Variants in SLC38A8 observed in about 807,000 individuals in gnomAD.
SLC38A8 encodes amino acid transporter SLC38A8.
Under a neutral mutation model 46.0 loss-of-function variants are expected in SLC38A8, and 65 were observed. The observed-to-expected ratio is 1.41, with a 90% CI of 1.16 to 1.74. SLC38A8 has a LOEUF of 1.74. SLC38A8 is among the 40% of genes most tolerant of loss of function. The probability of loss-of-function intolerance (pLI) is 0.00; values close to 1 mark genes in which losing one functional copy is unlikely to be tolerated. For missense variants in SLC38A8, 998 were observed against 567.9 expected, an observed-to-expected ratio of 1.76 and a Z score of -7.70; for synonymous variants, 447 against 243.7, an observed-to-expected ratio of 1.83 and a Z score of -7.77.
chr16:84,013,162 A>C, intron 9 of SLC38A8, 110 bp from the exon 10 acceptor site: 1 of 1,258,774 alleles, frequency 7.9e-7, no homozygotes, highest in Non-Finnish European at 1.1e-6. Context: ...GCCTCCGCCC[A>C]TGGGTGCCCC....
chr16:84,024,695 C>A (rs565092285), intron 6 of SLC38A8, among the ~76,000 whole-genome samples: 2 of 152,076 alleles, frequency 1.3e-5, no homozygotes, highest in Admixed American at 6.5e-5. Flanking sequence ...GCAGGAGAGT[C>A]GCTCAAGCCT....
intron 6 of SLC38A8, 134 bp from the exon 7 acceptor site, chr16:84,023,023 T>C: frequency 1.6e-6 from 1 of 620,326 alleles, no homozygotes; most frequent in Non-Finnish European, 2.7e-6. Flanking sequence ...ATCAATCCTT[T>C]ATTCTTTAAT....
At position 84,032,115 on chromosome 16, in the gene SLC38A8, G is replaced by A. The variant is rs907044; in HGVS notation, c.531-147C>T. 197,863 of 659,792 alleles carry A rather than the reference G, an allele frequency of 0.3. 32,653 individuals are homozygous for A. The highest frequency in any genetic ancestry group is 0.54 in the East Asian group (19,852 of 36,432). The allele number at this position is 659,792 out of a possible 1,614,324, so 40.9% of individuals were successfully genotyped here. A position where few individuals can be genotyped will look rare whatever the true frequency, so the allele number is the denominator to read the frequency against. ...CACCTCTGCCTCACCATCCTCATCT[G>A]TACAGGGGGCATGTGGGGCAGGGCT... On this transcript the variant is annotated intron_variant, in intron 4 of 10. Coordinates refer to ENST00000299709, the MANE Select transcript of SLC38A8 (RefSeq NM_001080442.3).
chr16:84,039,076 A>C (rs1358410690), intron 2 of SLC38A8, among the ~76,000 whole-genome samples: 1 of 152,148 alleles, frequency 6.6e-6, no homozygotes, highest in East Asian at 1.9e-4. Context: ...CCATTGAGGT[A>C]TGTCCTTGTA....
chr16:84,020,022 T>C (rs993556681), intron 7 of SLC38A8, among the ~76,000 whole-genome samples: 2 of 152,254 alleles, frequency 1.3e-5, no homozygotes, highest in African/African-American at 4.8e-5. Flanking sequence ...GTGTTGCACG[T>C]TGCTGGTAAC....
chr16:84,022,640 A>C (rs1216832230), intron 7 of SLC38A8, 135 bp downstream of exon 7: 7 of 673,142 alleles, frequency 1.0e-5, no homozygotes, highest in Middle Eastern at 2.6e-4. Context: ...ATGCACACTA[A>C]GGATTAAATA....
rs185988113 is a variant in SLC38A8 at position 84,020,561 on chromosome 16, C to A, written c.805+2214G>T. On this transcript the variant is annotated intron_variant, in intron 7 of 10. Transcript: ENST00000299709. ...ATCCTGCCAAGGTTTACCACTTATA[C>A]CTTCTGGGGCTGCAGCACGAGCCAG... Among the ~76,000 whole-genome samples the A allele has an allele frequency of 3.9e-3, 595 of 152,332 alleles. 4 individuals carry two copies. The highest frequency in any genetic ancestry group is 0.013 in the African/African-American group (549 of 41,588).
chr16:84,014,507 A>G (rs1597249474), intron 9 of SLC38A8, among the ~76,000 whole-genome samples: 1 of 149,828 alleles, frequency 6.7e-6, no homozygotes, highest in South Asian at 2.1e-4. Context: ...TGAAAGCGCC[A>G]CCCTAAGCCC....
chr16:84,016,372 C>T (rs997798765), intron 9 of SLC38A8, 147 bp downstream of exon 9: 6 of 827,628 alleles, frequency 7.2e-6, no homozygotes, highest in Non-Finnish European at 1.1e-5. Flanking sequence ...GTGCCTGGCT[C>T]AATAAAAAGG....
chr16:84,033,240 C>G, intron 4 of SLC38A8, 88 bp downstream of exon 4: 1 of 1,569,614 alleles, frequency 6.4e-7, no homozygotes, highest in South Asian at 1.2e-5. Flanking sequence ...GCCAATTCCC[C>G]AGCTCCTCTG....
chr16:84,014,227 T>C (rs79666840), intron 9 of SLC38A8, among the ~76,000 whole-genome samples: 2,178 of 148,728 alleles, frequency 0.015, 56 homozygotes, highest in African/African-American at 0.052. Context: ...CCCTCACCTC[T>C]GAAAGCTCCA....
In SLC38A8 at chr16:84,010,459, G is replaced by A. The variant is rs936036460; in HGVS notation, c.1215-582C>T. Among the ~76,000 whole-genome samples, 10 of 152,164 alleles carry A rather than the reference G, an allele frequency of 6.6e-5. No individual in the cohort carries two copies. The South Asian group carries it at 1.5e-3, about 22-fold the overall frequency. ...ATTTTATCAAATAAAAAGACATGGG[G>A]GCCAGGCATGGTGGCACAAGCCTAT... On this transcript the variant is annotated intron_variant, in intron 10 of 10. Coordinates refer to ENST00000299709, the MANE Select transcript of SLC38A8 (RefSeq NM_001080442.3).
At chr16:84,041,723 C>T (rs2085369117) in intron 2 of SLC38A8, among the ~76,000 whole-genome samples, 1 of 152,198 alleles carries the variant, frequency 6.6e-6, no homozygotes, top group Non-Finnish European at 1.5e-5. Context: ...GACAGAGCTG[C>T]GATGCCTGTA....
chr16:84,023,899 A>T (rs1241064219), intron 6 of SLC38A8, among the ~76,000 whole-genome samples: 6 of 152,210 alleles, frequency 3.9e-5, no homozygotes, highest in African/African-American at 1.2e-4. Context: ...GTCTCAAAAG[A>T]AAAACAAGCC....
At chr16:84,013,424 G>GTTTTTTT (rs1221293803) in intron 9 of SLC38A8, among the ~76,000 whole-genome samples, 68 of 64,048 alleles carry the variant, frequency 1.1e-3, no homozygotes, top group African/African-American at 1.9e-3. Context: ...TTGTGTGTGT[G>GTTTTTTT]TTTTTTTTTT....
intron 9 of SLC38A8, among the ~76,000 whole-genome samples, chr16:84,013,348 G>A (rs1390499991): frequency 6.6e-6 from 1 of 151,866 alleles, no homozygotes. Flanking sequence ...ATGAGGAGAT[G>A]GTGAGAGTCC....
intron 7 of SLC38A8, among the ~76,000 whole-genome samples, chr16:84,021,313 C>A (rs1259732034): frequency 2.6e-5 from 4 of 152,308 alleles, no homozygotes; most frequent in East Asian, 1.9e-4. Flanking sequence ...GATCCACCTG[C>A]CTCGGCCTCC....
intron 2 of SLC38A8, chr16:84,040,101 G>C (rs1490290318): frequency 6.6e-6 from 1 of 152,236 alleles, no homozygotes; most frequent in Non-Finnish European, 1.5e-5. Flanking sequence ...TCTGCCCACT[G>C]ACTTCACATT....
rs1403782662 is a variant in SLC38A8, at chr16:84,022,836, G to C, written c.744C>G (p.Ser248=). 1 of 1,612,770 alleles carries C rather than the reference G, an allele frequency of 6.2e-7. No individual in the cohort carries two copies. Among genetic ancestry groups the C allele is most frequent in the Non-Finnish European group, 8.5e-7 (1 of 1,179,508 alleles). ...IYCSMRKRSL[S]HWALVSVLSL... ...ACAGCACAGACACCAGGGCCCAGTG[G>C]GAGAGGCTCCGTTTGCGCATGCTGC... Residue 248 remains serine, a synonymous_variant, in exon 7 of 11, where the codon TCC becomes TCG. Coordinates refer to ENST00000299709, the MANE Select transcript of SLC38A8 (RefSeq NM_001080442.3).
Sources: gnomAD v4.1 joint callset for allele counts (sites outside exome capture counted in the v4.1 genomes callset) on GRCh38, gnomAD v4.1.1 for gene constraint, MANE v1.5 for transcripts, NCBI Gene and HGNC (gene_info 2026-07-23, HGNC 2026-07-21) for gene names.